Variants in PKD1L3 observed in about 807,000 individuals in gnomAD.
PKD1L3 encodes the protein polycystin-1-like protein 3.
In PKD1L3, 239 loss-of-function variants were observed where a neutral mutation model predicts 184.1. The observed-to-expected ratio is 1.30, with a 90% CI of 1.17 to 1.45. The LOEUF (loss-of-function observed/expected upper bound fraction) is 1.45. PKD1L3 is among the 40% of genes most tolerant of loss of function. The pLI is 0.00. For synonymous variants in PKD1L3, 996 were observed against 778.8 expected (o/e 1.28, Z -4.64); for missense variants, 2,660 against 2,067.2 (o/e 1.29, Z -5.56).
At chr16:71,962,844 A>G (rs932415404) in intron 16 of PKD1L3, among the ~76,000 whole-genome samples, 1 of 151,994 alleles carries the variant, frequency 6.6e-6, no homozygotes, top group Non-Finnish European at 1.5e-5. Flanking sequence ...CTTTATTTTT[A>G]TATTTTGTTC....
intron 7 of PKD1L3, 142 bp downstream of exon 7, chr16:71,981,917 A>T (rs1054858800): frequency 1.1e-6 from 1 of 905,152 alleles, no homozygotes. Context: ...ACCTTGGAGA[A>T]GGCATGGCAG....
At chr16:71,980,825 ACT>A (rs2040121304) in intron 7 of PKD1L3, among the ~76,000 whole-genome samples, 2 of 152,200 alleles carry the variant, frequency 1.3e-5, no homozygotes, top group Admixed American at 1.3e-4. Context: ...ACAGAGCGAG[ACT>A]CTGTCTCATA....
chr16:71,949,713 G>A lies in PKD1L3; in HGVS notation c.3618+70C>T, dbSNP rs1232137828. 10 of 1,366,780 alleles carry A rather than the reference G, an allele frequency of 7.3e-6. No homozygotes were observed. The East Asian group carries it at 1.0e-4, about 14-fold the overall frequency. 84.7% of individuals were successfully genotyped at this position (1,366,780 alleles called of 1,614,324 possible). A position where few individuals can be genotyped will look rare whatever the true frequency, so the allele number is the denominator to read the frequency against. On this transcript the variant is annotated intron_variant, in intron 21 of 29. Transcript: ENST00000620267. ...ATTGTCAAAACCACTAGGCACCTTG[G>A]ATTGACACCCAGGGACCTCAGTTCC... is the stretch of plus-strand genomic sequence containing the variant.
chr16:71,932,020 A>G (rs1023444943), intron 28 of PKD1L3, among the ~76,000 whole-genome samples: 5 of 152,166 alleles, frequency 3.3e-5, no homozygotes, highest in African/African-American at 1.2e-4. Context: ...CAGGAACTAC[A>G]GGTACATGCT....
At chr16:71,977,501 C>T in intron 10 of PKD1L3, 34 bp from the exon 11 acceptor site, 3 of 1,453,260 alleles carry the variant, frequency 2.1e-6, no homozygotes, top group East Asian at 2.5e-5. Context: ...TTATAATGGT[C>T]CATCCATTGA....
chr16:71,932,985 T>A (rs1012114734), intron 28 of PKD1L3, among the ~76,000 whole-genome samples: 2 of 151,810 alleles, frequency 1.3e-5, no homozygotes, highest in African/African-American at 4.8e-5. Context: ...AGAGACAAAG[T>A]CTCTATGTTG....
chr16:71,951,683 T>G lies in PKD1L3; in HGVS notation c.3071A>C (p.Glu1024Ala). 5.8e-6 allele frequency: 9 copies of G among 1,551,704 alleles called. No individual in the cohort carries two copies. The highest frequency in any genetic ancestry group is 7.0e-6 in the Non-Finnish European group (8 of 1,146,970). The change falls in exon 19 of 30, where the codon GAG becomes GCG. Residue 1024 changes from glutamate to alanine, a missense_variant. Transcript: ENST00000620267. ...RRNTYLLSKCEQPPWSSWDIT... is the reference protein window; with the variant it reads ...RRNTYLLSKCAQPPWSSWDIT... ...GTCCCAAGAACTCCATGGCGGCTGC[T>G]CACACTTGGAGAGTAGGTATGTATT...
rs766940988 is a variant in PKD1L3, at chr16:71,986,345, ATGGTGAGCTGTGTTATCACAGGGAGAGGC to A, written c.681_709del (p.Gln227HisfsTer46). 298 of 1,552,072 alleles carry A rather than the reference ATGGTGAGCTGTGTTATCACAGGGAGAGGC, an allele frequency of 1.9e-4. 2 individuals are homozygous for A. The highest frequency in any genetic ancestry group is 2.3e-4 in the Non-Finnish European group (263 of 1,147,084). ...CCCAGCATGCGTGACAGACACGGGC[ATGGTGAGCTGTGTTATCACAGGGAGAGGC>A]TGGCTGCTGGGTTCAGATGCGGCTG... is the stretch of plus-strand genomic sequence containing the variant. On this transcript the variant is annotated frameshift_variant, in exon 5 of 30. Coordinates refer to ENST00000620267, the MANE Select transcript of PKD1L3 (RefSeq NM_181536.2). LOFTEE classifies it high-confidence loss of function.
chr16:71,955,358 A>G (rs1196004651), intron 16 of PKD1L3, among the ~76,000 whole-genome samples: 1 of 151,914 alleles, frequency 6.6e-6, no homozygotes, highest in Non-Finnish European at 1.5e-5. Flanking sequence ...ATTTAATGGG[A>G]CCCAGGAGGC....
chr16:71,934,721 ACT>A (rs961970165), intron 26 of PKD1L3, among the ~76,000 whole-genome samples: 14 of 152,294 alleles, frequency 9.2e-5, no homozygotes, highest in African/African-American at 2.6e-4. Flanking sequence ...AGCAAGTGGC[ACT>A]CTGCACAGAT....
At chr16:71,981,684 G>A (rs1009614952) in intron 7 of PKD1L3, among the ~76,000 whole-genome samples, 2 of 151,956 alleles carry the variant, frequency 1.3e-5, no homozygotes, top group African/African-American at 2.4e-5. Context: ...GGGATTACAG[G>A]CATGTACCAC....
rs16973537 is a variant in PKD1L3 at position 71,978,370 on chromosome 16, G to T, written c.1412C>A (p.Ala471Asp). Reference protein sequence around the residue: ...PGVNVQITGLAFNPFKDLDNR... With the variant: ...PGVNVQITGLDFNPFKDLDNR... ...GTCCAAATCCTTGAAGGGATTGAAA[G>T]CTAGTCCTGTTATCTAAAGACAAAG... Residue 471 changes from alanine to aspartate, a missense_variant, in exon 10 of 30, where the codon GCT (alanine) becomes GAT (aspartate). By Grantham distance (126) the Ala-to-Asp change is moderately radical. Coordinates refer to ENST00000620267, the MANE Select transcript of PKD1L3 (RefSeq NM_181536.2). 7.7e-4 allele frequency: 1,192 copies of T among 1,549,116 alleles called. 15 individuals are homozygous for T. In the East Asian group the frequency reaches 0.025, roughly 33 times the overall value.
intron 2 of PKD1L3, 85 bp from the exon 3 acceptor site, chr16:71,993,417 T>C: frequency 1.2e-6 from 1 of 839,314 alleles, no homozygotes; most frequent in South Asian, 1.9e-5. Context: ...TGCACGTATG[T>C]GATAATCAGG....
intron 15 of PKD1L3, among the ~76,000 whole-genome samples, chr16:71,964,309 C>CTTTTTTTTTTTTTTTTTTTTTTTTTTT (rs772995457): frequency 1.8e-5 from 1 of 56,592 alleles, no homozygotes; most frequent in Non-Finnish European, 3.2e-5. Flanking sequence ...TCGTCAAAAT[C>CTTTTTTTTTTTTTTTTTTTTTTTTTTT]TTTTTTTTTT....
At chr16:71,948,482 A>C (rs910273854) in intron 21 of PKD1L3, among the ~76,000 whole-genome samples, 7 of 152,068 alleles carry the variant, frequency 4.6e-5, no homozygotes, top group Non-Finnish European at 8.8e-5. Context: ...TGGCCTCCCA[A>C]AGTGCTAGGA....
Position 71,998,374 on chromosome 16 carries a change from G to C in PKD1L3, c.316C>G (p.Pro106Ala), listed in dbSNP as rs1203867902. 2 of 1,551,454 alleles carry C rather than the reference G, an allele frequency of 1.3e-6. No individual in the cohort carries two copies. The highest frequency in any genetic ancestry group is 2.0e-5 in the Admixed American group (1 of 50,864). The change falls in exon 2 of 30, where the codon CCC (proline) becomes GCC (alanine). Residue 106 changes from proline (P) to alanine (A), a missense_variant. Coordinates refer to ENST00000620267, the MANE Select transcript of PKD1L3 (RefSeq NM_181536.2). ...KYPADVAANG[P>A]PKPLSCTYLS... is the part of the protein sequence containing the mutation. The stretch of plus-strand genomic sequence containing the variant: ...TAGGTGCAGCTGAGGGGCTTTGGGG[G>C]CCCGTTGGCTGCAACGTCTGCTGAG...
At chr16:71,993,111 G>T in intron 3 of PKD1L3, 105 bp downstream of exon 3, 2 of 774,126 alleles carry the variant, frequency 2.6e-6, no homozygotes, top group Non-Finnish European at 4.0e-6. Context: ...AACGAATATT[G>T]GGCACATGTT....
chr16:71,996,408 A>G (rs768853999), intron 2 of PKD1L3, among the ~76,000 whole-genome samples: 4 of 151,756 alleles, frequency 2.6e-5, no homozygotes, highest in Non-Finnish European at 4.4e-5. Flanking sequence ...CTACAGGTGC[A>G]CACCACCACG....
At chr16:71,999,019 C>G (rs559079932) in intron 1 of PKD1L3, among the ~76,000 whole-genome samples, 1 of 152,002 alleles carries the variant, frequency 6.6e-6, no homozygotes. Flanking sequence ...CGCCTGTAAT[C>G]CCAGCACTTT....
Sources: gnomAD v4.1 joint callset for allele counts (sites outside exome capture counted in the v4.1 genomes callset) on GRCh38, gnomAD v4.1.1 for gene constraint, MANE v1.5 for transcripts, NCBI Gene and HGNC (gene_info 2026-07-23, HGNC 2026-07-21) for gene names.